Variants in SEPTIN11 observed in about 807,000 individuals in gnomAD.
SEPTIN11 encodes the protein septin 11, also known as septin-11.
In SEPTIN11, 25 loss-of-function variants were observed where a neutral mutation model predicts 51.4. The observed-to-expected ratio is 0.49, with a 90% confidence interval of 0.35 to 0.68. The LOEUF is 0.68. Ranked by LOEUF, SEPTIN11 falls within the 30% of genes least tolerant of loss-of-function variation. SEPTIN11 has a pLI of 0.00. For synonymous variants in SEPTIN11, 174 were observed against 184.1 expected, an observed-to-expected ratio of 0.95 and a Z score of 0.44; for missense variants, 381 against 520.8, an observed-to-expected ratio of 0.73 and a Z score of 2.61.
intron 2 of SEPTIN11, among the ~76,000 whole-genome samples, chr4:77,004,936 C>T (rs1724375406): frequency 6.6e-6 from 1 of 152,116 alleles, no homozygotes; most frequent in Admixed American, 6.5e-5. Flanking sequence ...GTACTCCAGC[C>T]TGGGGGACAG....
intron 2 of SEPTIN11, among the ~76,000 whole-genome samples, chr4:76,999,922 T>C (rs1470412642): frequency 6.6e-6 from 1 of 152,212 alleles, no homozygotes; most frequent in Non-Finnish European, 1.5e-5. Context: ...ATAAAGCCTT[T>C]CATATTTTAC....
In SEPTIN11 at chr4:76,968,346, T is replaced by A. The variant is rs146374823; in HGVS notation, c.27+18416T>A. Among the ~76,000 whole-genome samples the A allele has an allele frequency of 3.5e-4, 53 of 152,286 alleles. 2 individuals carry two copies. The East Asian group carries it at 9.5e-3, about 27-fold the overall frequency. ...TGAGGCTTAAATTTCCCATTAATCC[T>A]TATTGAGGCCTAAGGACTTAAGTTG... On this transcript the variant is annotated intron_variant, in intron 1 of 9. Transcript: ENST00000264893.
intron 1 of SEPTIN11, among the ~76,000 whole-genome samples, chr4:76,972,816 A>G (rs1173191443): frequency 6.6e-6 from 1 of 152,214 alleles, no homozygotes; most frequent in African/African-American, 2.4e-5. Flanking sequence ...CTGGGCACTC[A>G]TTCTGCTAGG....
At chr4:76,958,224 C>T (rs1027949109) in intron 1 of SEPTIN11, among the ~76,000 whole-genome samples, 2 of 152,330 alleles carry the variant, frequency 1.3e-5, no homozygotes, top group African/African-American at 4.8e-5. Flanking sequence ...GGCTTCTCTG[C>T]CATCGCCACC....
At chr4:77,012,546 C>A (rs1336474161) in intron 4 of SEPTIN11, among the ~76,000 whole-genome samples, 1 of 152,090 alleles carries the variant, frequency 6.6e-6, no homozygotes, top group East Asian at 1.9e-4. Context: ...AAACAAATGG[C>A]AACAAGAACA....
At chr4:76,953,438 A>G (rs1053264386) in intron 1 of SEPTIN11, among the ~76,000 whole-genome samples, 1 of 152,232 alleles carries the variant, frequency 6.6e-6, no homozygotes, top group African/African-American at 2.4e-5. Context: ...ATTATAGGCA[A>G]TTCTTAAAGA....
downstream of SEPTIN11, chr4:77,039,339 TTGAC>T: frequency 2.7e-6 from 3 of 1,092,296 alleles, no homozygotes; most frequent in Non-Finnish European, 3.4e-6. Context: ...AAAAAGGAAA[TTGAC>T]TGAAACAGAA....
At chr4:76,954,565 T>C (rs1721478502) in intron 1 of SEPTIN11, among the ~76,000 whole-genome samples, 1 of 152,232 alleles carries the variant, frequency 6.6e-6, no homozygotes, top group African/African-American at 2.4e-5. Flanking sequence ...ATGCAGCAGC[T>C]GTTGAACATA....
chr4:76,986,562 G>C (rs1723039513), intron 1 of SEPTIN11, among the ~76,000 whole-genome samples: 1 of 152,218 alleles, frequency 6.6e-6, no homozygotes, highest in Non-Finnish European at 1.5e-5. Context: ...CTGAGGCAAA[G>C]TTAAATACCC....
At position 76,995,744 on chromosome 4, in the gene SEPTIN11, T is replaced by C. The variant is rs1395077134; in HGVS notation, c.28-681T>C. On this transcript the variant is annotated intron_variant, in intron 1 of 9. Transcript: ENST00000264893. ...TACTTTAGCTTCCAGCCATATCCTATGTGATTTTAAAATGTATGATAACTA... is the reference window on the plus strand; with the variant it reads ...TACTTTAGCTTCCAGCCATATCCTACGTGATTTTAAAATGTATGATAACTA... 3.5e-6 allele frequency: 5 copies of C among 1,432,382 alleles called. No individual in the cohort carries two copies. In the Admixed American group the frequency reaches 1.1e-4, roughly 31 times the overall value. 88.7% of individuals were successfully genotyped at this position (1,432,382 alleles called of 1,614,324 possible). A position where few individuals can be genotyped will look rare whatever the true frequency, so the allele number is the denominator to read the frequency against.
At chr4:76,958,882 A>C (rs1040855663) in intron 1 of SEPTIN11, 17 of 1,495,072 alleles carry the variant, frequency 1.1e-5, no homozygotes, top group Middle Eastern at 4.8e-4. Flanking sequence ...TGGTGGCTTC[A>C]AGCTTTTCCT....
Position 77,023,757 on chromosome 4 carries a change from G to T in SEPTIN11, c.953+3087G>T, listed in dbSNP as rs376744773. ...CAGCACTTCCTGTGCACCTGAGCGG[G>T]AGGAATGGAGTGAGGTGACTCTGTT... On this transcript the variant is annotated intron_variant, in intron 7 of 9. Coordinates refer to ENST00000264893, the MANE Select transcript of SEPTIN11 (RefSeq NM_018243.4). 9.2e-4 allele frequency among the ~76,000 whole-genome samples: 140 copies of T among 152,294 alleles called. 4 individuals are homozygous for T. In the South Asian group the frequency reaches 0.028, roughly 31 times the overall value.
At chr4:76,980,867 C>T (rs928736482) in intron 1 of SEPTIN11, among the ~76,000 whole-genome samples, 7 of 152,188 alleles carry the variant, frequency 4.6e-5, no homozygotes, top group African/African-American at 1.7e-4. Context: ...GTTTTTCCTT[C>T]CTACAGATCG....
intron 5 of SEPTIN11, among the ~76,000 whole-genome samples, chr4:77,016,633 C>CATATATACACATAT (rs1725289673): frequency 1.4e-5 from 1 of 72,746 alleles, no homozygotes; most frequent in African/African-American, 5.2e-5. Flanking sequence ...TATATATACA[C>CATATATACACATAT]ATATATATAT....
At chr4:77,005,502 TA>T in intron 2 of SEPTIN11, 98 bp from the exon 3 acceptor site, 3 of 1,131,842 alleles carry the variant, frequency 2.7e-6, no homozygotes, top group Non-Finnish European at 3.7e-6. Flanking sequence ...TTTTCTTTTT[TA>T]AACTTTATAA....
intron 1 of SEPTIN11, among the ~76,000 whole-genome samples, chr4:76,979,201 A>C (rs1462624486): frequency 6.6e-6 from 1 of 152,244 alleles, no homozygotes; most frequent in Non-Finnish European, 1.5e-5. Flanking sequence ...GGCCTGACCA[A>C]GTGAGAAACT....
At position 77,020,642 on chromosome 4, in the gene SEPTIN11, G is replaced by C. The variant is rs1324280265; in HGVS notation, c.925G>C (p.Asp309His). 6.2e-7 allele frequency: 1 copy of C among 1,613,998 alleles called. No homozygotes were observed. Among genetic ancestry groups the C allele is most frequent in the African/African-American group, 1.3e-5 (1 of 74,916 alleles). Reference protein sequence around the residue: ...RCKLEEMGFKDTDPDSKPFSL... With the variant: ...RCKLEEMGFKHTDPDSKPFSL... ...TAAGCTTGAAGAGATGGGGTTCAAG[G>C]ACACTGACCCTGACAGCAAACCCTT... The change falls in exon 7 of 10, where the codon GAC (aspartate) becomes CAC (histidine). Residue 309 changes from aspartate to histidine, a missense_variant. Physicochemically the swap from Asp to His is moderately conservative, Grantham distance 81 (BLOSUM62 -1). Coordinates refer to ENST00000264893, the MANE Select transcript of SEPTIN11 (RefSeq NM_018243.4).
chr4:76,960,455 T>G (rs1316198392), intron 1 of SEPTIN11, among the ~76,000 whole-genome samples: 1 of 152,196 alleles, frequency 6.6e-6, no homozygotes, highest in Non-Finnish European at 1.5e-5. Flanking sequence ...GCAGATAAGA[T>G]GAGGTCTCAG....
intron 5 of SEPTIN11, 78 bp downstream of exon 5, chr4:77,015,095 G>A (rs912699456): frequency 1.4e-6 from 2 of 1,423,530 alleles, no homozygotes; most frequent in Non-Finnish European, 1.9e-6. Context: ...AGTGGCTGGA[G>A]CACTGGACTG....
Sources: gnomAD v4.1 joint callset for allele counts (sites outside exome capture counted in the v4.1 genomes callset) on GRCh38, gnomAD v4.1.1 for gene constraint, MANE v1.5 for transcripts, NCBI Gene and HGNC (gene_info 2026-07-23, HGNC 2026-07-21) for gene names.